Variants in TET3 observed in about 807,000 individuals in gnomAD.
TET3 encodes the protein tet methylcytosine dioxygenase 3.
TET3 carries 19 observed loss-of-function variants against 141.4 expected under a neutral mutation model. That is an observed-to-expected ratio of 0.13 (90% CI 0.09 to 0.20). The LOEUF is 0.20. Ranked by LOEUF, TET3 falls within the 10% of genes least tolerant of loss-of-function variation. The pLI, the probability that TET3 is intolerant of heterozygous loss-of-function variation, is 1.00. For synonymous variants in TET3, 1,043 were observed against 980.9 expected (o/e 1.06, Z -1.18); for missense variants, 1,874 against 2,356.9 (o/e 0.80, Z 4.24).
intron 5 of TET3, among the ~76,000 whole-genome samples, chr2:74,075,264 C>G (rs1054707298): frequency 8.7e-5 from 13 of 149,210 alleles, no homozygotes; most frequent in African/African-American, 3.2e-4. Context: ...AGTTGTGTGG[C>G]TTAGAGTTGT....
At chr2:74,044,284 A>G (rs1165619949) in intron 3 of TET3, among the ~76,000 whole-genome samples, 1 of 152,242 alleles carries the variant, frequency 6.6e-6, no homozygotes, top group Non-Finnish European at 1.5e-5. Context: ...GAATTTAAAA[A>G]TTTATAGAAA....
Position 74,080,601 on chromosome 2 carries a change from G to C in TET3, c.2679+10G>C, listed in dbSNP as rs1279649158. On this transcript the variant is annotated intron_variant, in intron 6 of 11. Coordinates refer to ENST00000409262, the MANE Select transcript of TET3 (RefSeq NM_001287491.2). ...CCCCATTGCAAAGTGGGTGAGTGTT[G>C]AGCCCACTCAAGAGCCACAGCTGTG... is the stretch of plus-strand genomic sequence containing the variant. The C allele has an allele frequency of 1.2e-6, 2 of 1,603,058 alleles. No individual in the cohort carries two copies. Among genetic ancestry groups the C allele is most frequent in the African/African-American group, 1.3e-5 (1 of 74,488 alleles).
At chr2:74,113,239 A>G in the TET3 span, among the ~76,000 whole-genome samples, 1 of 152,022 alleles carries the variant, frequency 6.6e-6, no homozygotes, top group Admixed American at 6.6e-5. Context: ...ACAAAAAATT[A>G]GCCGGGCATG....
chr2:73,989,049 C>T (rs1408760187), intron 2 of TET3, among the ~76,000 whole-genome samples: 1 of 130,584 alleles, frequency 7.7e-6, no homozygotes, highest in Admixed American at 8.5e-5. Flanking sequence ...GAGTCACTGT[C>T]TAGGGTATAC....
intron 3 of TET3, among the ~76,000 whole-genome samples, chr2:74,018,884 A>G (rs967708554): frequency 6.6e-6 from 1 of 152,294 alleles, no homozygotes; most frequent in Non-Finnish European, 1.5e-5. Flanking sequence ...TAGCTTTACA[A>G]TGAATCTTCC....
Position 74,100,776 on chromosome 2 carries a change from C to G in TET3, c.3988C>G (p.Pro1330Ala), listed in dbSNP as rs773257889. 34 of 1,613,252 alleles carry G rather than the reference C, an allele frequency of 2.1e-5. No homozygotes were observed. In the Middle Eastern group the frequency reaches 4.9e-4, roughly 23 times the overall value. Residue 1330 changes from proline (P) to alanine (A), a missense_variant, in exon 12 of 12, where the codon CCG (proline) becomes GCG (alanine). By Grantham distance (27) the Pro-to-Ala change is conservative (BLOSUM62 -1). Coordinates refer to ENST00000409262, the MANE Select transcript of TET3 (RefSeq NM_001287491.2). ...CCACGCTCTGCACAACAGCCTGAGC[C>G]CGGCCTACGGTGGTGCTGAGTTTGC... is the stretch of plus-strand genomic sequence containing the variant. ...DLHALHNSLS[P>A]AYGGAEFAEL...
rs79308247 is a variant in TET3, at chr2:74,019,871, C to G, written c.360+16705C>G. On this transcript the variant is annotated intron_variant, in intron 3 of 11. Coordinates refer to ENST00000409262, the MANE Select transcript of TET3 (RefSeq NM_001287491.2). ...ATTATTATCCTGAGACCCACAGCCC[C>G]CTTGTTGTTAGCCCTCATTAGTGCT... Among the ~76,000 whole-genome samples, 404 of 152,322 alleles carry G rather than the reference C, an allele frequency of 2.7e-3. 4 individuals are homozygous for G. The highest frequency in any genetic ancestry group is 8.1e-3 in the African/African-American group (337 of 41,562).
chr2:74,018,534 G>A (rs895357394), intron 3 of TET3, among the ~76,000 whole-genome samples: 6 of 152,236 alleles, frequency 3.9e-5, no homozygotes, highest in African/African-American at 1.4e-4. Context: ...TAAATAGAAA[G>A]CCTGTTATCC....
chr2:74,003,408 C>T (rs1182413565), intron 3 of TET3, among the ~76,000 whole-genome samples: 1 of 146,230 alleles, frequency 6.8e-6, no homozygotes, highest in Admixed American at 6.9e-5. Flanking sequence ...GCAGTTGGGG[C>T]TTGGTTTGTT....
chr2:73,990,661 A>G (rs1200198835), intron 2 of TET3, among the ~76,000 whole-genome samples: 1 of 152,212 alleles, frequency 6.6e-6, no homozygotes, highest in Non-Finnish European at 1.5e-5. Context: ...AAATGGAAAG[A>G]TATATGTGAT....
chr2:74,037,189 C>T (rs1687112911), intron 3 of TET3, among the ~76,000 whole-genome samples: 2 of 152,212 alleles, frequency 1.3e-5, no homozygotes, highest in South Asian at 4.1e-4. Flanking sequence ...GGCAGATGTG[C>T]ACCTCCTCTG....
At chr2:74,061,884 C>T (rs1464828408) in intron 4 of TET3, among the ~76,000 whole-genome samples, 1 of 150,282 alleles carries the variant, frequency 6.7e-6, no homozygotes, top group Non-Finnish European at 1.5e-5. Context: ...AGAGGCGCTC[C>T]TCACTTCCTA....
intron 6 of TET3, among the ~76,000 whole-genome samples, chr2:74,086,962 A>G (rs1690199136): frequency 6.6e-6 from 1 of 152,112 alleles, no homozygotes; most frequent in Non-Finnish European, 1.5e-5. Context: ...GCACCCATTA[A>G]CAATAATTCT....
downstream of TET3, among the ~76,000 whole-genome samples, chr2:74,109,131 G>C (rs961516174): frequency 1.3e-5 from 2 of 152,148 alleles, no homozygotes; most frequent in Non-Finnish European, 1.5e-5. Context: ...CCCTTCCTGA[G>C]CGCCTGTCAT....
In TET3 at chr2:74,099,560, G is replaced by A. The variant is rs145565090; in HGVS notation, c.3552G>A (p.Pro1184=). The A allele has an allele frequency of 1.4e-5, 23 of 1,607,204 alleles. No homozygotes were observed. The Middle Eastern group carries it at 5.0e-4, about 35-fold the overall frequency. ...TTCAGAAGGAGAAGCTGAGCACTCC[G>A]GAGAAGATCAAGCAGGAGGCCCTGG... The part of the protein sequence containing the change: ...KKIQKEKLST[P]EKIKQEALEL... Residue 1184 remains proline (P), a synonymous_variant, in exon 11 of 12, where the codon CCG becomes CCA. Coordinates refer to ENST00000409262, the MANE Select transcript of TET3 (RefSeq NM_001287491.2).
chr2:73,987,602 C>G (rs1007598735), intron 2 of TET3, among the ~76,000 whole-genome samples: 7 of 152,210 alleles, frequency 4.6e-5, no homozygotes, highest in African/African-American at 1.7e-4. Flanking sequence ...AGCGGTGTAG[C>G]CGCTGAGGTC....
At chr2:74,098,173 T>C (rs1572898898) in intron 10 of TET3, among the ~76,000 whole-genome samples, 1 of 152,184 alleles carries the variant, frequency 6.6e-6, no homozygotes, top group Admixed American at 6.5e-5. Flanking sequence ...TATGTGGCAG[T>C]TCTACTTAAC....
chr2:73,985,379 G>A (rs1462139760), intron 1 of TET3, among the ~76,000 whole-genome samples: 2 of 144,314 alleles, frequency 1.4e-5, no homozygotes, highest in African/African-American at 5.0e-5. Context: ...GAGCGGAGTG[G>A]CGGAGGCCCC....
intron 3 of TET3, among the ~76,000 whole-genome samples, chr2:74,018,420 A>G (rs1467059315): frequency 6.6e-6 from 1 of 152,144 alleles, no homozygotes; most frequent in Non-Finnish European, 1.5e-5. Flanking sequence ...ACGAGAATTC[A>G]TCAGTATTTT....
Sources: gnomAD v4.1 joint callset for allele counts (sites outside exome capture counted in the v4.1 genomes callset) on GRCh38, gnomAD v4.1.1 for gene constraint, MANE v1.5 for transcripts, NCBI Gene and HGNC (gene_info 2026-07-23, HGNC 2026-07-21) for gene names.